DVL2: variants seen among roughly 807,000 people sequenced by gnomAD.
The protein encoded by DVL2 is dishevelled segment polarity protein 2.
A neutral mutation model predicts 69.8 loss-of-function variants in DVL2; 38 were observed. The ratio of observed to expected loss-of-function variants is 0.54; its 90% CI spans 0.42 to 0.71. DVL2 has a LOEUF of 0.71. DVL2 is among the 30% of genes least tolerant of loss of function. The pLI is 0.00. For missense variants in DVL2, 931 were observed against 1,008.1 expected (o/e 0.92, Z 1.04); for synonymous variants, 428 against 392.4 (o/e 1.09, Z -1.07).
At position 7,230,349 on chromosome 17, in the gene DVL2, G is replaced by C; in HGVS notation, c.346C>G (p.Pro116Ala). Residue 116 changes from proline (P) to alanine (A), a missense_variant, in exon 3 of 15, where the codon CCT becomes GCT. Physicochemically the swap from Pro to Ala is conservative, Grantham distance 27 (BLOSUM62 -1). This residue lies in a region of DVL2 where 555 missense variants were observed against 588.8 expected (regional missense o/e 0.94). Transcript: ENST00000005340. The stretch of plus-strand genomic sequence containing the variant: ...CTCTCGGGTGGCAAAGGAGGTAAAG[G>C]TGGGGCTGGAGGCGCCAGTTCTGCC... ...PRAELAPPAP[P>A]LPPLPPERTS... 6.2e-7 allele frequency: 1 copy of C among 1,614,190 alleles called. No homozygotes were observed. Among genetic ancestry groups the C allele is most frequent in the Non-Finnish European group, 8.5e-7 (1 of 1,180,028 alleles).
In DVL2 at chr17:7,225,900, C is replaced by T. The variant is rs754891875; in HGVS notation, c.2176G>A (p.Gly726Ser). The T allele has an allele frequency of 2.5e-6, 4 of 1,613,948 alleles. No individual in the cohort carries two copies. Among genetic ancestry groups the T allele is most frequent in the South Asian group, 1.1e-5 (1 of 91,090 alleles). ...TCCACAAAGAACTCGCTGGGATTGC[C>T]CATGGCCATGTGGAAGCTTTGGCGG... ...ASRQSFHMAM[G>S]NPSEFFVDVM is the part of the protein sequence containing the mutation. Residue 726 changes from glycine (G) to serine (S), a missense_variant, in exon 15 of 15, where the codon GGC becomes AGC. Gly to Ser is a moderately conservative substitution (Grantham distance 56). Transcript: ENST00000005340.
chr17:7,233,607 G>A (rs1051618734), intron 1 of DVL2, among the ~76,000 whole-genome samples: 1 of 152,100 alleles, frequency 6.6e-6, no homozygotes, highest in Non-Finnish European at 1.5e-5. Flanking sequence ...CCCACGCCCG[G>A]CTAATTTTTT....
chr17:7,233,904 T>A (rs1157714332), intron 1 of DVL2, 165 bp downstream of exon 1: 2 of 744,236 alleles, frequency 2.7e-6, no homozygotes, highest in Non-Finnish European at 4.5e-6. Flanking sequence ...TATCCAAGCA[T>A]AACCTTGTCC....
Position 7,229,239 on chromosome 17 carries a change from G to T in DVL2, c.853C>A (p.Gln285Lys). The change falls in exon 8 of 15, where the codon CAG becomes AAG. Residue 285 changes from glutamine (Q) to lysine (K), a missense_variant. Coordinates refer to ENST00000005340, the MANE Select transcript of DVL2 (RefSeq NM_004422.3). The surrounding 1 kb of genome is among the most constrained non-coding windows in gnomAD (Gnocchi z 4.4). Reference sequence around the variant, plus strand: ...CCTCCGTCTCCCCGCTCATTGCTCTGGCCAACAATGGAGATACCCAGGAAG... The same window carrying T: ...CCTCCGTCTCCCCGCTCATTGCTCTTGCCAACAATGGAGATACCCAGGAAG... ...YNFLGISIVGQSNERGDGGIY... is the reference protein window; with the variant it reads ...YNFLGISIVGKSNERGDGGIY... 1 of 1,614,098 alleles carries T rather than the reference G, an allele frequency of 6.2e-7. No individual in the cohort carries two copies. The highest frequency in any genetic ancestry group is 8.5e-7 in the Non-Finnish European group (1 of 1,180,010).
In DVL2 at chr17:7,229,904, C is replaced by T. The variant is rs776368265; in HGVS notation, c.560G>A (p.Arg187His). 9.9e-6 allele frequency: 16 copies of T among 1,609,648 alleles called. No homozygotes were observed. In the East Asian group the frequency reaches 2.2e-4, roughly 22 times the overall value. The change falls in exon 5 of 15, where the codon CGC becomes CAC. Residue 187 changes from arginine to histidine, a missense_variant. Arg to His is a conservative substitution (Grantham distance 29). Around this residue, in one of 3 missense-constraint regions of DVL2, gnomAD observed 555 missense variants for 588.8 expected, o/e 0.94. Coordinates refer to ENST00000005340, the MANE Select transcript of DVL2 (RefSeq NM_004422.3). The surrounding 1 kb of genome is among the most constrained non-coding windows in gnomAD (Gnocchi z 4.4). ...HRTGGPSRLE[R>H]HLAGYESSST... ...GGAGCTCTCGTATCCGGCCAGGTGG[C>T]GCTCCAGCCTTGAGGGGCCACCAGT... is the stretch of plus-strand genomic sequence containing the variant.
rs180900590 is a variant in DVL2, at chr17:7,228,702, C to T, written c.1034+267G>A. On this transcript the variant is annotated intron_variant, in intron 9 of 14. Coordinates refer to ENST00000005340, the MANE Select transcript of DVL2 (RefSeq NM_004422.3). ...GTTCAAGTGATTCTCCTGTCTCAGC[C>T]ACCTCACTAGCTGGGACTACAGGCA... 5 of 429,408 alleles carry T rather than the reference C, an allele frequency of 1.2e-5. No homozygotes were observed. The Admixed American group carries it at 1.9e-4, about 16-fold the overall frequency. 26.6% of individuals were successfully genotyped at this position (429,408 alleles called of 1,614,324 possible). A position where few individuals can be genotyped will look rare whatever the true frequency, so the allele number is the denominator to read the frequency against.
intron 1 of DVL2, among the ~76,000 whole-genome samples, chr17:7,231,689 C>G (rs2071545434): frequency 6.6e-6 from 1 of 151,712 alleles, no homozygotes; most frequent in African/African-American, 2.4e-5. Flanking sequence ...ATGGTGAAAC[C>G]CTTTCTCTAC....
rs902795270 is a variant in DVL2, at chr17:7,230,837, C to A, written c.195-40G>T. ...GGTAGAGGTCAGTGAGCTGGACCAACCATCCCCACCCCGACCCCCATCAAA... is the reference window on the plus strand; with the variant it reads ...GGTAGAGGTCAGTGAGCTGGACCAAACATCCCCACCCCGACCCCCATCAAA... On this transcript the variant is annotated intron_variant, in intron 1 of 14. Transcript: ENST00000005340. 3.4e-6 allele frequency: 5 copies of A among 1,490,390 alleles called. No individual in the cohort carries two copies. The African/African-American group carries it at 4.2e-5, about 12-fold the overall frequency. 92.3% of individuals were successfully genotyped at this position (1,490,390 alleles called of 1,614,324 possible).
rs760007946 is a variant in DVL2, at chr17:7,230,265, C to G, written c.410+20G>C. The G allele has an allele frequency of 7.1e-5, 114 of 1,613,868 alleles. No individual in the cohort carries two copies. Among genetic ancestry groups the G allele is most frequent in the Non-Finnish European group, 9.6e-5 (113 of 1,179,952 alleles). On this transcript the variant is annotated intron_variant, in intron 3 of 14. Transcript: ENST00000005340. ...CCTCCTCACCTCCCTCCCCTGCAGTCAAGAATCTGAAGGACTCACTGGAAG... is the reference window on the plus strand; with the variant it reads ...CCTCCTCACCTCCCTCCCCTGCAGTGAAGAATCTGAAGGACTCACTGGAAG...
intron 9 of DVL2, 72 bp from the exon 10 acceptor site, chr17:7,228,116 A>C: frequency 7.8e-7 from 1 of 1,288,962 alleles, no homozygotes. Context: ...GTCTGAAGCA[A>C]GGATGGATTA....
Position 7,229,731 on chromosome 17 carries a change from C to A in DVL2, c.657-53G>T. 1 of 1,579,394 alleles carries A rather than the reference C, an allele frequency of 6.3e-7. No individual in the cohort carries two copies. ...ACGTAGGCCAAAGTGGTCATGGGGC[C>A]AAGAGAAAGAACAAGAGGATTGACT... On this transcript the variant is annotated intron_variant, in intron 5 of 14. Transcript: ENST00000005340. This position sits in a 1 kb window ranked among gnomAD's most constrained non-coding sequence, Gnocchi z 4.4.
Position 7,226,064 on chromosome 17 carries a change from G to A in DVL2, c.2012C>T (p.Pro671Leu). Residue 671 changes from proline (P) to leucine (L), a missense_variant, in exon 15 of 15, where the codon CCT becomes CTT. Coordinates refer to ENST00000005340, the MANE Select transcript of DVL2 (RefSeq NM_004422.3). ...HPGLHPYGPP[P>L]GMALPYNPMM... is the part of the protein sequence containing the mutation. ...GGGGTTGTAGGGGAGGGCCATGCCA[G>A]GGGGCGGTCCATAGGGATGGAGCCC... The A allele has an allele frequency of 3.1e-6, 5 of 1,603,414 alleles. No individual in the cohort carries two copies. The highest frequency in any genetic ancestry group is 4.3e-6 in the Non-Finnish European group (5 of 1,174,138).
chr17:7,227,578 C>T lies in DVL2; in HGVS notation c.1232-43G>A, dbSNP rs2071477074. ...GGGTAACCAGAGTCAGGGATCGCTCCCACAAGGGCAATGGATCAGACCACT... is the reference window on the plus strand; with the variant it reads ...GGGTAACCAGAGTCAGGGATCGCTCTCACAAGGGCAATGGATCAGACCACT... On this transcript the variant is annotated intron_variant, in intron 11 of 14. Transcript: ENST00000005340. The T allele has an allele frequency of 2.5e-6, 4 of 1,612,880 alleles. No homozygotes were observed. In the East Asian group the frequency reaches 8.9e-5, roughly 36 times the overall value.
Position 7,225,649 on chromosome 17 carries a change from TA to T in DVL2, c.*215del, listed in dbSNP as rs1161913284. 1.6e-5 allele frequency: 9 copies of T among 563,824 alleles called. No homozygotes were observed. The highest frequency in any genetic ancestry group is 2.2e-5 in the Non-Finnish European group (7 of 321,188). The allele number at this position is 563,824 out of a possible 1,614,324, so 34.9% of individuals were successfully genotyped here. ...CTATTTTAACCCCCAAAAAGGCTTA[TA>T]AAAAAACAAAGCTAAAAATAATCAA... On this transcript the variant is annotated 3_prime_UTR_variant, in exon 15 of 15. Transcript: ENST00000005340.
Position 7,227,277 on chromosome 17 carries a change from C to A in DVL2, c.1364-8G>T, listed in dbSNP as rs775511036. ...AGTCAACCACATCCGAGCCTGGGAG[C>A]ACCCACAGTGGAAAAAGGCCTCAGG... On this transcript the variant is annotated splice_polypyrimidine_tract_variant and splice_region_variant and intron_variant, in intron 12 of 14. Transcript: ENST00000005340. The A allele has an allele frequency of 3.7e-6, 6 of 1,604,054 alleles. No homozygotes were observed. The African/African-American group carries it at 5.4e-5, about 14-fold the overall frequency.
chr17:7,227,652 C>T lies in DVL2; in HGVS notation c.1231+3G>A. ...GGTGGGATGAGGTGGGCTGGCGGCTCACCATCAGGCAAAGACGATCCAGAT... is the reference window on the plus strand; with the variant it reads ...GGTGGGATGAGGTGGGCTGGCGGCTTACCATCAGGCAAAGACGATCCAGAT... On this transcript the variant is annotated splice_donor_region_variant and intron_variant, in intron 11 of 14. Transcript: ENST00000005340. 1.9e-6 allele frequency: 3 copies of T among 1,614,192 alleles called. No homozygotes were observed. Among genetic ancestry groups the T allele is most frequent in the East Asian group, 2.2e-5 (1 of 44,890 alleles).
intron 9 of DVL2, 136 bp from the exon 10 acceptor site, chr17:7,228,180 G>C (rs759343637): frequency 2.1e-5 from 14 of 677,670 alleles, no homozygotes; most frequent in Middle Eastern, 2.6e-4. Flanking sequence ...TAGAGAAGGT[G>C]AGGGTGGAAG....
At position 7,227,640 on chromosome 17, in the gene DVL2, G is replaced by C; in HGVS notation, c.1231+15C>G. On this transcript the variant is annotated intron_variant, in intron 11 of 14. Coordinates refer to ENST00000005340, the MANE Select transcript of DVL2 (RefSeq NM_004422.3). ...TTCTGCTGGGAGGGTGGGATGAGGT[G>C]GGCTGGCGGCTCACCATCAGGCAAA... is the stretch of plus-strand genomic sequence containing the variant. 1 of 1,614,182 alleles carries C rather than the reference G, an allele frequency of 6.2e-7. No individual in the cohort carries two copies. Among genetic ancestry groups the C allele is most frequent in the Non-Finnish European group, 8.5e-7 (1 of 1,180,028 alleles).
chr17:7,229,594 C>T lies in DVL2; in HGVS notation c.741G>A (p.Leu247=). ...TCCTGTAGGAACCCCTCACCCTCTC[C>T]AGGCGGGGTGGCCTCTGCTTCCTTC... is the stretch of plus-strand genomic sequence containing the variant. ...RRRRKQRPPR[L]ERTSSFSSVT... The change falls in exon 6 of 15, where the codon CTG becomes CTA. Residue 247 remains leucine (L), a synonymous_variant. Transcript: ENST00000005340. The surrounding 1 kb of genome is among the most constrained non-coding windows in gnomAD (Gnocchi z 4.4). 1 of 1,566,374 alleles carries T rather than the reference C, an allele frequency of 6.4e-7. No individual in the cohort carries two copies. Among genetic ancestry groups the T allele is most frequent in the Non-Finnish European group, 8.6e-7 (1 of 1,157,248 alleles).
Sources: allele counts gnomAD v4.1 joint callset (sites outside exome capture counted in the v4.1 genomes callset), GRCh38; gene constraint gnomAD v4.1.1; regional missense constraint gnomAD v4.1.1; non-coding constraint Gnocchi (gnomAD v3.1); transcripts MANE v1.5; gene names NCBI Gene and HGNC (gene_info 2026-07-23, HGNC 2026-07-21).